The following PDE5A variants were observed in gnomAD, a reference collection of about 807,000 sequenced individuals.
The protein encoded by PDE5A is phosphodiesterase 5A.
PDE5A carries 67 observed loss-of-function variants against 110.2 expected under a neutral mutation model. The observed-to-expected ratio is 0.61, with a 90% CI of 0.50 to 0.75. PDE5A has a LOEUF of 0.75. PDE5A is among the 30% of genes least tolerant of loss of function. The pLI is 0.00. For synonymous variants in PDE5A, 328 were observed against 351.2 expected (o/e 0.93, Z 0.74); for missense variants, 862 against 1,045.1 (o/e 0.82, Z 2.42).
chr4:119,569,533 G>A (rs1728070077), intron 3 of PDE5A, among the ~76,000 whole-genome samples: 1 of 150,894 alleles, frequency 6.6e-6, no homozygotes, highest in South Asian at 2.1e-4. Context: ...TCTGTCAAGA[G>A]ACTATTAGAC....
intron 1 of PDE5A, among the ~76,000 whole-genome samples, chr4:119,625,689 T>TA (rs1730320926): frequency 6.6e-6 from 1 of 151,642 alleles, no homozygotes; most frequent in Non-Finnish European, 1.5e-5. Flanking sequence ...TTACAAAGTG[T>TA]AAAAAGAGGG....
chr4:119,611,298 G>T (rs918635253), intron 1 of PDE5A, among the ~76,000 whole-genome samples: 1 of 152,124 alleles, frequency 6.6e-6, no homozygotes, highest in Non-Finnish European at 1.5e-5. Flanking sequence ...TTAGTGCTAC[G>T]TGTTCACTGC....
At chr4:119,506,616 G>C (rs549429941) in intron 16 of PDE5A, among the ~76,000 whole-genome samples, 1 of 151,920 alleles carries the variant, frequency 6.6e-6, no homozygotes, top group Admixed American at 6.6e-5. Flanking sequence ...AGGGTTCAAA[G>C]GAGAGACCCA....
In PDE5A at chr4:119,612,640, C is replaced by A. The variant is rs901573496; in HGVS notation, c.153-5343G>T. Among the ~76,000 whole-genome samples the A allele has an allele frequency of 7.9e-5, 12 of 152,156 alleles. No homozygotes were observed. In the East Asian group the frequency reaches 2.3e-3, roughly 30 times the overall value. ...ATGGAAGAACAACCTATTAGAGGGC[C>A]CTTATAAGGGGCCTATGGGAGCTTG... On this transcript the variant is annotated intron_variant, in intron 1 of 20. Coordinates refer to ENST00000354960, the MANE Select transcript of PDE5A (RefSeq NM_001083.4).
chr4:119,567,259 T>C, intron 3 of PDE5A, 115 bp from the exon 4 acceptor site: 1 of 724,242 alleles, frequency 1.4e-6, no homozygotes, highest in Admixed American at 2.5e-5. Flanking sequence ...AACACTAGTC[T>C]ACAAAACAAA....
At chr4:119,517,570 ACTTTTTCCCAGGATGTTTT>A (rs1371986642) in intron 14 of PDE5A, among the ~76,000 whole-genome samples, 3 of 149,376 alleles carry the variant, frequency 2.0e-5, no homozygotes, top group Non-Finnish European at 3.0e-5. Flanking sequence ...GCAGTCAATG[ACTTTTTCCCAGGATGTTTT>A]CTTTTTCTTT....
At chr4:119,579,442 A>G (rs1728507012) in intron 3 of PDE5A, among the ~76,000 whole-genome samples, 1 of 152,184 alleles carries the variant, frequency 6.6e-6, no homozygotes, top group Non-Finnish European at 1.5e-5. Flanking sequence ...ACCAACCCAA[A>G]TGTCCAACAA....
chr4:119,602,232 A>G (rs771775983), intron 2 of PDE5A, among the ~76,000 whole-genome samples: 60 of 152,200 alleles, frequency 3.9e-4, no homozygotes, highest in Non-Finnish European at 7.1e-4. Context: ...TAGTAAAAAC[A>G]TATCTTTAGC....
At chr4:119,548,498 CTTTG>C (rs1727220621) in intron 9 of PDE5A, 1 of 152,232 alleles carries the variant, frequency 6.6e-6, no homozygotes, top group East Asian at 1.9e-4. Context: ...ATAAATTCTA[CTTTG>C]TTTGATAGAA....
chr4:119,518,644 A>G (rs1458515728), intron 14 of PDE5A, among the ~76,000 whole-genome samples: 1 of 152,218 alleles, frequency 6.6e-6, no homozygotes, highest in African/African-American at 2.4e-5. Context: ...TTCCACTAAG[A>G]CCAAAAGCCT....
intron 10 of PDE5A, 136 bp from the exon 11 acceptor site, chr4:119,539,155 G>C: frequency 2.8e-6 from 2 of 705,406 alleles, no homozygotes; most frequent in Non-Finnish European, 5.1e-6. Flanking sequence ...CTTGTTTGCT[G>C]TTTTCTTCAA....
intron 11 of PDE5A, among the ~76,000 whole-genome samples, chr4:119,535,625 T>C (rs1218988497): frequency 6.6e-6 from 1 of 152,136 alleles, no homozygotes; most frequent in South Asian, 2.1e-4. Flanking sequence ...AAAAGATATA[T>C]GCAAAATGCT....
chr4:119,505,938 A>G lies in PDE5A; in HGVS notation c.2190-6T>C. The G allele has an allele frequency of 6.6e-7, 1 of 1,523,198 alleles. No individual in the cohort carries two copies. Among genetic ancestry groups the G allele is most frequent in the Non-Finnish European group, 8.9e-7 (1 of 1,122,012 alleles). 94.4% of individuals were successfully genotyped at this position (1,523,198 alleles called of 1,614,324 possible). On this transcript the variant is annotated splice_region_variant and splice_polypyrimidine_tract_variant and intron_variant, in intron 16 of 20. Coordinates refer to ENST00000354960, the MANE Select transcript of PDE5A (RefSeq NM_001083.4). The stretch of plus-strand genomic sequence containing the variant: ...CAAAAAATTCTCCTCGCCTCCTACA[A>G]TGTTTAAAAAAAAATTGTTAGTTAT...
intron 1 of PDE5A, among the ~76,000 whole-genome samples, chr4:119,617,826 G>A (rs965649155): frequency 6.6e-6 from 1 of 152,106 alleles, no homozygotes; most frequent in Admixed American, 6.5e-5. Flanking sequence ...GCCTAGTACC[G>A]AAATTTTCAA....
At chr4:119,574,221 C>CA (rs1560622480) in intron 3 of PDE5A, among the ~76,000 whole-genome samples, 4 of 112,228 alleles carry the variant, frequency 3.6e-5, no homozygotes, top group Non-Finnish European at 6.6e-5. Context: ...CTCACTCTGT[C>CA]GCCCAGGCTG....
chr4:119,589,256 A>AG (rs780681119), intron 3 of PDE5A, among the ~76,000 whole-genome samples: 1 of 151,654 alleles, frequency 6.6e-6, no homozygotes, highest in African/African-American at 2.4e-5. Context: ...AATAATCTAG[A>AG]GAAAAAAAAA....
At chr4:119,596,757 C>T in intron 2 of PDE5A, 145 bp from the exon 3 acceptor site, 1 of 438,890 alleles carries the variant, frequency 2.3e-6, no homozygotes, top group Non-Finnish European at 4.0e-6. Context: ...AAGGCATCAT[C>T]ATGTAAGTAC....
intron 20 of PDE5A, chr4:119,500,861 TAAAAA>T (rs35960124): frequency 2.5e-5 from 5 of 201,546 alleles, no homozygotes; most frequent in Non-Finnish European, 4.9e-5. Flanking sequence ...AATTTAGACT[TAAAAA>T]AAGAATATGC....
At chr4:119,548,880 G>A (rs11724055) in intron 9 of PDE5A, 22,401 of 152,028 alleles carry the variant, frequency 0.15, 1,805 homozygotes, top group Middle Eastern at 0.2. Flanking sequence ...AAAAAACCTG[G>A]ATACTTTAAG....
Sources: gnomAD v4.1 joint callset for allele counts (sites outside exome capture counted in the v4.1 genomes callset) on GRCh38, gnomAD v4.1.1 for gene constraint, MANE v1.5 for transcripts, NCBI Gene and HGNC (gene_info 2026-07-23, HGNC 2026-07-21) for gene names.